Variants in NCK1 observed in about 807,000 individuals in gnomAD.
NCK1 encodes SH2/SH3 adapter protein NCK1.
NCK1 carries 19 observed loss-of-function variants against 36.6 expected under a neutral mutation model. The observed-to-expected ratio is 0.52, with a 90% confidence interval of 0.36 to 0.76. NCK1 has a LOEUF of 0.76. Ranked by LOEUF, NCK1 falls within the 30% of genes least tolerant of loss-of-function variation. The pLI, the probability that NCK1 is intolerant of heterozygous loss-of-function variation, is 0.00. For synonymous variants in NCK1, 165 were observed against 156.0 expected (o/e 1.06, Z -0.43); for missense variants, 358 against 445.6 (o/e 0.80, Z 1.77).
chr3:136,921,817 C>T (rs886813546), intron 1 of NCK1, among the ~76,000 whole-genome samples: 2 of 152,192 alleles, frequency 1.3e-5, no homozygotes, highest in East Asian at 3.8e-4. Context: ...CGGAGTCTGT[C>T]TCTGTCACCA....
intron 2 of NCK1, among the ~76,000 whole-genome samples, chr3:136,930,855 T>A (rs1201989508): frequency 6.6e-6 from 1 of 152,206 alleles, no homozygotes; most frequent in African/African-American, 2.4e-5. Context: ...TTGATGCAGT[T>A]CTAATTCAGT....
intron 1 of NCK1, among the ~76,000 whole-genome samples, chr3:136,922,916 C>G (rs1940147258): frequency 6.6e-6 from 1 of 152,128 alleles, no homozygotes; most frequent in African/African-American, 2.4e-5. Flanking sequence ...TTACAAACAA[C>G]CCATTGACCA....
chr3:136,878,724 A>T (rs1938845986), intron 1 of NCK1, among the ~76,000 whole-genome samples: 1 of 78,444 alleles, frequency 1.3e-5, no homozygotes, highest in South Asian at 4.5e-4. Flanking sequence ...TTTTTAAGAA[A>T]GGTTGAGTCT....
At chr3:136,899,735 A>G (rs1031679614) in intron 1 of NCK1, 36 of 947,990 alleles carry the variant, frequency 3.8e-5, no homozygotes, top group Non-Finnish European at 6.1e-5. Flanking sequence ...TTTCTGTTCT[A>G]CTATTGCCAT....
chr3:136,923,521 C>T (rs140651058), intron 1 of NCK1, among the ~76,000 whole-genome samples: 2 of 151,678 alleles, frequency 1.3e-5, no homozygotes, highest in African/African-American at 4.8e-5. Flanking sequence ...CTCCACTGCA[C>T]TCCAGCCTGG....
intron 1 of NCK1, among the ~76,000 whole-genome samples, chr3:136,866,285 G>A (rs555864481): frequency 2.3e-4 from 34 of 150,158 alleles, no homozygotes; most frequent in African/African-American, 6.8e-4. Flanking sequence ...TTGTACCTTC[G>A]TATCATTCCT....
rs1236482123 is a variant in NCK1, at chr3:136,928,351, G to GAAA, written c.226+125_226+126insAAA. ...GAAAAGGCAAGGGCTAGGTAAGTTT[G>GAAA]AGTCATAGCAGGTGGTCAACCCAGA... On this transcript the variant is annotated intron_variant, in intron 2 of 3. Coordinates refer to ENST00000481752, the MANE Select transcript of NCK1 (RefSeq NM_001291999.2). 1.6e-4 allele frequency: 142 copies of GAAA among 890,616 alleles called. No individual in the cohort carries two copies. In the African/African-American group the frequency reaches 2.0e-3, roughly 13 times the overall value. The allele number at this position is 890,616 out of a possible 1,614,324, so 55.2% of individuals were successfully genotyped here. A position where few individuals can be genotyped will look rare whatever the true frequency, so the allele number is the denominator to read the frequency against.
chr3:136,900,132 TG>T, intron 1 of NCK1: 1 of 347,326 alleles, frequency 2.9e-6, no homozygotes, highest in South Asian at 3.2e-5. Context: ...GCTGTAGTGG[TG>T]GTTTCAGTTC....
intron 1 of NCK1, among the ~76,000 whole-genome samples, chr3:136,905,809 G>A (rs1478046664): frequency 6.6e-6 from 1 of 151,342 alleles, no homozygotes; most frequent in African/African-American, 2.4e-5. Context: ...ATTTTTTTTA[G>A]AGATGGGGTC....
chr3:136,943,161 C>G (rs956071084), intron 2 of NCK1, among the ~76,000 whole-genome samples: 10 of 151,920 alleles, frequency 6.6e-5, no homozygotes, highest in African/African-American at 1.2e-4. Context: ...TTACTAGATT[C>G]CAGAGTTCTG....
chr3:136,892,940 T>C (rs1047089537), intron 1 of NCK1, among the ~76,000 whole-genome samples: 2 of 151,858 alleles, frequency 1.3e-5, no homozygotes, highest in Non-Finnish European at 2.9e-5. Flanking sequence ...GTACCCAATG[T>C]GTAGTCTTTT....
chr3:136,920,333 A>G (rs528511620), intron 1 of NCK1, among the ~76,000 whole-genome samples: 21 of 152,298 alleles, frequency 1.4e-4, no homozygotes, highest in African/African-American at 5.1e-4. Context: ...ATCATCCCCA[A>G]TATGAGAAGG....
chr3:136,916,591 G>A (rs1171460717), intron 1 of NCK1, among the ~76,000 whole-genome samples: 1 of 152,074 alleles, frequency 6.6e-6, no homozygotes, highest in Non-Finnish European at 1.5e-5. Flanking sequence ...ATAATGTAAA[G>A]CATGGGGAAA....
chr3:136,888,313 A>T (rs1325898700), intron 1 of NCK1, among the ~76,000 whole-genome samples: 1 of 152,018 alleles, frequency 6.6e-6, no homozygotes, highest in Non-Finnish European at 1.5e-5. Flanking sequence ...TTTTATTGAG[A>T]TATGATTCAC....
At chr3:136,932,707 G>A (rs1220018869) in intron 2 of NCK1, among the ~76,000 whole-genome samples, 2 of 152,190 alleles carry the variant, frequency 1.3e-5, no homozygotes, top group African/African-American at 4.8e-5. Flanking sequence ...ATCCTGGAAA[G>A]TCCCTTCTAA....
At chr3:136,938,663 CT>C (rs1334809125) in intron 2 of NCK1, among the ~76,000 whole-genome samples, 1 of 152,142 alleles carries the variant, frequency 6.6e-6, no homozygotes, top group Non-Finnish European at 1.5e-5. Context: ...GTTAGATAAG[CT>C]TCATTTAGGC....
intron 1 of NCK1, among the ~76,000 whole-genome samples, chr3:136,910,705 A>G (rs1939810809): frequency 6.6e-6 from 1 of 152,222 alleles, no homozygotes; most frequent in Non-Finnish European, 1.5e-5. Flanking sequence ...GGATGTTCTG[A>G]CACATGTATA....
At chr3:136,910,325 C>T (rs1285355426) in intron 1 of NCK1, among the ~76,000 whole-genome samples, 1 of 152,108 alleles carries the variant, frequency 6.6e-6, no homozygotes, top group Non-Finnish European at 1.5e-5. Context: ...GAGTAACTTC[C>T]TGTACAGCTC....
At chr3:136,880,975 A>T (rs554314321) in intron 1 of NCK1, among the ~76,000 whole-genome samples, 5 of 152,090 alleles carry the variant, frequency 3.3e-5, no homozygotes, top group Admixed American at 3.3e-4. Context: ...TCTACCCTAC[A>T]TTTGTTCATT....
Sources: allele counts gnomAD v4.1 joint callset (sites outside exome capture counted in the v4.1 genomes callset), GRCh38; gene constraint gnomAD v4.1.1; transcripts MANE v1.5; gene names NCBI Gene and HGNC (gene_info 2026-07-23, HGNC 2026-07-21).